LRRIQ1: variants seen among roughly 807,000 people sequenced by gnomAD.
LRRIQ1 encodes the protein leucine rich repeats and IQ motif containing 1, also known as leucine-rich repeat- and IQ domain-containing protein 1.
Under a neutral mutation model 211.9 loss-of-function variants are expected in LRRIQ1, and 210 were observed. The observed-to-expected ratio is 0.99, with a 90% CI of 0.89 to 1.11. LRRIQ1 has a LOEUF of 1.11. LRRIQ1 is among the 50% of genes most tolerant of loss of function. The pLI, the probability that LRRIQ1 is intolerant of heterozygous loss-of-function variation, is 0.00. For missense variants in LRRIQ1, 2,136 were observed against 1,939.5 expected (o/e 1.10, Z -1.90); for synonymous variants, 699 against 650.1 (o/e 1.08, Z -1.14).
At chr12:85,046,751 C>A (rs916659380) in intron 5 of LRRIQ1, among the ~76,000 whole-genome samples, 8 of 152,046 alleles carry the variant, frequency 5.3e-5, no homozygotes, top group African/African-American at 1.9e-4. Context: ...TGGAACCAAC[C>A]CAAATGTCCA....
At chr12:85,144,097 G>A (rs908520398) in intron 19 of LRRIQ1, among the ~76,000 whole-genome samples, 5 of 151,516 alleles carry the variant, frequency 3.3e-5, no homozygotes, top group African/African-American at 1.2e-4. Flanking sequence ...CCCAGTGTCT[G>A]TTGTTCCCTT....
At chr12:85,240,122 T>G (rs1033144412) in intron 26 of LRRIQ1, among the ~76,000 whole-genome samples, 4 of 152,160 alleles carry the variant, frequency 2.6e-5, no homozygotes, top group Admixed American at 6.6e-5. Flanking sequence ...GCATTTGCCC[T>G]TACGAAGACA....
At chr12:85,041,049 A>T (rs1166002381) in intron 3 of LRRIQ1, among the ~76,000 whole-genome samples, 1 of 151,754 alleles carries the variant, frequency 6.6e-6, no homozygotes, top group East Asian at 1.9e-4. Context: ...AATTAGAATT[A>T]ACCTTGGCTT....
rs772213839 is a variant in LRRIQ1, at chr12:85,047,371, G to A, written c.579G>A (p.Arg193=). The A allele has an allele frequency of 1.2e-6, 2 of 1,606,444 alleles. No homozygotes were observed. Among genetic ancestry groups the A allele is most frequent in the Non-Finnish European group, 1.7e-6 (2 of 1,173,462 alleles). The change falls in exon 6 of 27, where the codon AGG becomes AGA. Residue 193 remains arginine, a synonymous_variant. Coordinates refer to ENST00000393217, the MANE Select transcript of LRRIQ1 (RefSeq NM_001079910.2). ...AGAAACAAACTCTCAAAGCTCAGAG[G>A]GATAGAGAAGAAAAACAATTTCAAG... ...DKEKQTLKAQ[R]DREEKQFQEE... is the part of the protein sequence containing the mutation.
chr12:85,223,214 A>G (rs537570807), intron 24 of LRRIQ1, among the ~76,000 whole-genome samples: 5 of 152,252 alleles, frequency 3.3e-5, no homozygotes, highest in Admixed American at 6.5e-5. Flanking sequence ...ATAAGAAACT[A>G]TGCCAATCAG....
chr12:85,168,759 G>T (rs1891273002), intron 24 of LRRIQ1, among the ~76,000 whole-genome samples: 1 of 152,110 alleles, frequency 6.6e-6, no homozygotes, highest in African/African-American at 2.4e-5. Flanking sequence ...CACCTATTTT[G>T]TATTGTAATT....
Position 85,057,172 on chromosome 12 carries a change from T to A in LRRIQ1, c.2379T>A (p.Asp793Glu). 6.7e-7 allele frequency: 1 copy of A among 1,501,310 alleles called. No individual in the cohort carries two copies. Among genetic ancestry groups the A allele is most frequent in the Non-Finnish European group, 8.9e-7 (1 of 1,122,558 alleles). 93.0% of individuals were successfully genotyped at this position (1,501,310 alleles called of 1,614,324 possible). ...AAATTCTTCGATGTGGCCCTTGGGA[T>A]ACTTTACAGCAGGTATTTCTAATTT... ...KLEILRCGPW[D>E]TLQQVTTVTF... Residue 793 changes from aspartate (D) to glutamate (E), a missense_variant, in exon 8 of 27, where the codon GAT becomes GAA. Asp to Glu is a conservative substitution (Grantham distance 45, BLOSUM62 2). Coordinates refer to ENST00000393217, the MANE Select transcript of LRRIQ1 (RefSeq NM_001079910.2).
chr12:85,135,957 T>C (rs985519945), intron 18 of LRRIQ1, among the ~76,000 whole-genome samples: 2 of 151,962 alleles, frequency 1.3e-5, no homozygotes, highest in African/African-American at 4.8e-5. Context: ...GTACATTCAA[T>C]GTACTTAGTT....
At chr12:85,217,543 TG>T (rs1220518328) in intron 24 of LRRIQ1, among the ~76,000 whole-genome samples, 1 of 119,756 alleles carries the variant, frequency 8.4e-6, no homozygotes, top group East Asian at 2.4e-4. Flanking sequence ...TGTGTGTGTG[TG>T]TGTGTGTATA....
chr12:85,049,310 T>G (rs987116186), intron 6 of LRRIQ1, among the ~76,000 whole-genome samples: 1 of 151,700 alleles, frequency 6.6e-6, no homozygotes, highest in African/African-American at 2.4e-5. Flanking sequence ...CCACATAACA[T>G]TTTTTTGCAT....
intron 24 of LRRIQ1, among the ~76,000 whole-genome samples, chr12:85,219,344 G>T (rs1012732248): frequency 2.0e-5 from 3 of 152,054 alleles, no homozygotes; most frequent in Non-Finnish European, 4.4e-5. Context: ...AACTATAGTC[G>T]ATTTGTTAAA....
chr12:85,258,972 T>G (rs530399771), intron 1 of LRRIQ1, among the ~76,000 whole-genome samples: 36 of 152,054 alleles, frequency 2.4e-4, no homozygotes, highest in African/African-American at 8.7e-4. Flanking sequence ...TATATAGACC[T>G]TGACATTTTT....
chr12:85,098,247 G>A, intron 11 of LRRIQ1, 108 bp from the exon 12 acceptor site: 1 of 661,298 alleles, frequency 1.5e-6, no homozygotes, highest in Non-Finnish European at 2.5e-6. Flanking sequence ...TGTAATTAAT[G>A]ATAGTGAGAA....
chr12:85,192,945 A>G lies in LRRIQ1; in HGVS notation c.4822+32231A>G, dbSNP rs11116739. 3.3e-5 allele frequency among the ~76,000 whole-genome samples: 3 copies of G among 90,290 alleles called. No individual in the cohort carries two copies. In the East Asian group the frequency reaches 9.0e-4, roughly 27 times the overall value. 59.2% of individuals were successfully genotyped at this position (90,290 alleles called of 152,430 possible). A position where few individuals can be genotyped will look rare whatever the true frequency, so the allele number is the denominator to read the frequency against. ...TAATTATATAATATAATTATATATA[A>G]ATATATAATTATATAATATAATTAT... On this transcript the variant is annotated intron_variant, in intron 24 of 26. Coordinates refer to ENST00000393217, the MANE Select transcript of LRRIQ1 (RefSeq NM_001079910.2).
At chr12:85,041,983 A>C (rs545394426) in intron 3 of LRRIQ1, among the ~76,000 whole-genome samples, 1 of 152,086 alleles carries the variant, frequency 6.6e-6, no homozygotes, top group Non-Finnish European at 1.5e-5. Flanking sequence ...ATGAATTGCT[A>C]TGTAAAGATT....
At chr12:85,185,808 A>G (rs1892201506) in intron 24 of LRRIQ1, among the ~76,000 whole-genome samples, 5 of 152,024 alleles carry the variant, frequency 3.3e-5, no homozygotes, top group Admixed American at 2.6e-4. Flanking sequence ...CTACCTATTT[A>G]TAAACACAGC....
chr12:85,242,501 A>G (rs1376291340), intron 26 of LRRIQ1, among the ~76,000 whole-genome samples: 1 of 151,910 alleles, frequency 6.6e-6, no homozygotes, highest in Non-Finnish European at 1.5e-5. Context: ...GGACATGAGC[A>G]TCCATGGATT....
At chr12:85,202,266 T>C (rs1310317731) in intron 24 of LRRIQ1, among the ~76,000 whole-genome samples, 1 of 152,118 alleles carries the variant, frequency 6.6e-6, no homozygotes, top group Non-Finnish European at 1.5e-5. Context: ...TTATATTCTG[T>C]TGTTTTGAGT....
intron 24 of LRRIQ1, among the ~76,000 whole-genome samples, chr12:85,164,658 A>G (rs1430130913): frequency 6.6e-6 from 1 of 152,184 alleles, no homozygotes; most frequent in Non-Finnish European, 1.5e-5. Flanking sequence ...AACTTTGAGA[A>G]AGGTATTATG....
Sources: allele counts gnomAD v4.1 joint callset (sites outside exome capture counted in the v4.1 genomes callset), GRCh38; gene constraint gnomAD v4.1.1; transcripts MANE v1.5; gene names NCBI Gene and HGNC (gene_info 2026-07-23, HGNC 2026-07-21).